PCDH15: variants seen among roughly 807,000 people sequenced by gnomAD.
The protein encoded by PCDH15 is protocadherin-15.
A neutral mutation model predicts 178.5 loss-of-function variants in PCDH15; 129 were observed. The ratio of observed to expected loss-of-function variants is 0.72; its 90% CI spans 0.63 to 0.84. The LOEUF is 0.84. Ranked by LOEUF, PCDH15 falls within the 40% of genes least tolerant of loss-of-function variation. The probability of loss-of-function intolerance (pLI) is 0.00; values close to 1 mark genes in which losing one functional copy is unlikely to be tolerated. For missense variants in PCDH15, 2,230 were observed against 2,099.9 expected (o/e 1.06, Z -1.21); for synonymous variants, 800 against 732.0 (o/e 1.09, Z -1.50).
At chr10:55,063,408 T>C (rs1424345300) in intron 2 of PCDH15, among the ~76,000 whole-genome samples, 1 of 152,082 alleles carries the variant, frequency 6.6e-6, no homozygotes, top group Non-Finnish European at 1.5e-5. Flanking sequence ...ATCTGTCACT[T>C]GTCAGGGTGG....
At chr10:54,473,078 T>C (rs1264187486) in intron 3 of PCDH15, among the ~76,000 whole-genome samples, 13 of 152,098 alleles carry the variant, frequency 8.5e-5, no homozygotes, top group Admixed American at 8.5e-4. Context: ...GCTTTCTTTT[T>C]AATACAGAAT....
rs1365113539 is a variant in PCDH15, at chr10:55,104,776, G to A, written c.-80+61800C>T. Among the ~76,000 whole-genome samples, 4 of 151,894 alleles carry A rather than the reference G, an allele frequency of 2.6e-5. 1 individual carries two copies. Among genetic ancestry groups the A allele is most frequent in the East Asian group, 1.9e-4 (1 of 5,184 alleles). On this transcript the variant is annotated intron_variant, in intron 2 of 5. Coordinates refer to the PCDH15 transcript ENST00000458638. ...CTTTTTTGTTTCAAGGAAAAAATCC[G>A]GCATCACTAGTAGCACTTTGTATGG...
At chr10:54,934,114 C>T (rs146389677) in intron 2 of PCDH15, among the ~76,000 whole-genome samples, 14 of 152,146 alleles carry the variant, frequency 9.2e-5, no homozygotes, top group Admixed American at 7.2e-4. Flanking sequence ...GGAATTGTGA[C>T]GTTAGTAAAT....
At chr10:54,622,142 T>C (rs901856587) in intron 2 of PCDH15, among the ~76,000 whole-genome samples, 4 of 151,846 alleles carry the variant, frequency 2.6e-5, no homozygotes, top group African/African-American at 9.7e-5. Context: ...AAAAATGGAC[T>C]GTAAAGGAGT....
intron 2 of PCDH15, among the ~76,000 whole-genome samples, chr10:55,405,464 A>G (rs1027433342): frequency 6.6e-6 from 1 of 151,346 alleles, no homozygotes; most frequent in Admixed American, 6.6e-5. Flanking sequence ...AACTTAAATC[A>G]TTTATCTATT....
intron 2 of PCDH15, among the ~76,000 whole-genome samples, chr10:55,031,763 T>A (rs1840616466): frequency 6.6e-6 from 1 of 152,180 alleles, no homozygotes; most frequent in Non-Finnish European, 1.5e-5. Context: ...GAGGATACAG[T>A]GTTCCTCCCC....
intron 1 of PCDH15, among the ~76,000 whole-genome samples, chr10:55,266,261 C>A (rs1463176329): frequency 6.6e-6 from 1 of 151,932 alleles, no homozygotes; most frequent in Non-Finnish European, 1.5e-5. Context: ...GCAATTGGAG[C>A]CTTGGATGAT....
Position 54,343,088 on chromosome 10 carries a change from C to CTA in PCDH15, c.594+3275_594+3276dup, listed in dbSNP as rs761977295. On this transcript the variant is annotated intron_variant, in intron 6 of 37. Transcript: ENST00000644397. ...TGAAATGATTTAAGACTTTAGGGAA[C>CTA]TATTGAGAAGGCATGATTGGTTCTG... Among the ~76,000 whole-genome samples, 11 of 152,144 alleles carry CTA rather than the reference C, an allele frequency of 7.2e-5. No individual in the cohort carries two copies. In the South Asian group the frequency reaches 2.3e-3, roughly 32 times the overall value.
chr10:53,812,299 C>T (rs572340159), intron 35 of PCDH15, among the ~76,000 whole-genome samples: 3 of 152,296 alleles, frequency 2.0e-5, no homozygotes, highest in Admixed American at 2.0e-4. Flanking sequence ...GCTCTGCCTC[C>T]AGGGTTCATG....
At chr10:54,571,792 A>C (rs961743877) in intron 2 of PCDH15, among the ~76,000 whole-genome samples, 32 of 152,134 alleles carry the variant, frequency 2.1e-4, no homozygotes, top group African/African-American at 6.0e-4. Flanking sequence ...AGCTTAAAAA[A>C]AGCTTTTGTT....
At chr10:54,618,146 G>T (rs1477641771) in intron 2 of PCDH15, among the ~76,000 whole-genome samples, 1 of 151,988 alleles carries the variant, frequency 6.6e-6, no homozygotes, top group Non-Finnish European at 1.5e-5. Flanking sequence ...AATGTATTTT[G>T]ATACCTCCTG....
chr10:54,905,219 AT>A (rs1246566136), intron 2 of PCDH15, among the ~76,000 whole-genome samples: 1 of 151,712 alleles, frequency 6.6e-6, no homozygotes, highest in Non-Finnish European at 1.5e-5. Flanking sequence ...TATCAAAAGT[AT>A]TTCTTTTTAT....
intron 3 of PCDH15, among the ~76,000 whole-genome samples, chr10:54,397,656 T>G (rs1018486200): frequency 6.6e-6 from 1 of 151,990 alleles, no homozygotes; most frequent in African/African-American, 2.4e-5. Flanking sequence ...TCCAACAACA[T>G]TGTGTGCATC....
intron 2 of PCDH15, among the ~76,000 whole-genome samples, chr10:54,922,450 G>A (rs1450963216): frequency 6.6e-6 from 1 of 152,064 alleles, no homozygotes; most frequent in Non-Finnish European, 1.5e-5. Context: ...AAAGCTTAAA[G>A]TATTTTACAG....
chr10:55,592,102 G>A (rs776287323), intron 2 of PCDH15, among the ~76,000 whole-genome samples: 10 of 152,044 alleles, frequency 6.6e-5, no homozygotes, highest in African/African-American at 1.7e-4. Flanking sequence ...GCAGTCAGTC[G>A]TGAGAAAAAA....
rs1427323867 is a variant in PCDH15, at chr10:55,311,027, AT to A, written c.-156+8571del. Among the ~76,000 whole-genome samples the A allele has an allele frequency of 5.3e-5, 8 of 152,336 alleles. No individual in the cohort carries two copies. The East Asian group carries it at 7.7e-4, about 15-fold the overall frequency. On this transcript the variant is annotated intron_variant, in intron 1 of 5. Transcript: ENST00000458638. ...CTTAAAGTATAATAATTTTAAAAAA[AT>A]GATAGTGGTTTGTGATCTGTGCAAT...
At chr10:55,187,624 T>C (rs1467391054) in intron 1 of PCDH15, among the ~76,000 whole-genome samples, 1 of 152,006 alleles carries the variant, frequency 6.6e-6, no homozygotes, top group Non-Finnish European at 1.5e-5. Context: ...CAATCTTAGA[T>C]TTATGATTCA....
chr10:53,893,009 T>C (rs1181831625), intron 26 of PCDH15, among the ~76,000 whole-genome samples: 1 of 151,942 alleles, frequency 6.6e-6, no homozygotes, highest in African/African-American at 2.4e-5. Context: ...GTAAAATATA[T>C]AAAGGAAATC....
At chr10:54,075,784 T>C (rs10825217) in intron 17 of PCDH15, among the ~76,000 whole-genome samples, 109,237 of 152,058 alleles carry the variant, frequency 0.72, 39,697 homozygotes, top group Middle Eastern at 0.84. Flanking sequence ...TTTTTGGATT[T>C]TCTATTAAAT....
Sources: allele counts gnomAD v4.1 joint callset (sites outside exome capture counted in the v4.1 genomes callset), GRCh38; gene constraint gnomAD v4.1.1; transcripts MANE v1.5; gene names NCBI Gene and HGNC (gene_info 2026-07-23, HGNC 2026-07-21).